The following BCAS3 variants were observed in gnomAD, a reference collection of about 807,000 sequenced individuals.
BCAS3 encodes the protein BCAS4/BCAS3 fusion.
Under a neutral mutation model 116.1 loss-of-function variants are expected in BCAS3, and 53 were observed. The ratio of observed to expected loss-of-function variants is 0.46; its 90% CI spans 0.37 to 0.57. The LOEUF (loss-of-function observed/expected upper bound fraction) is 0.57, where lower values mean the gene tolerates loss of function less well. Among genes scored for constraint, BCAS3 ranks in the 20% least tolerant of loss-of-function variants. The pLI is 0.00. For synonymous variants in BCAS3, 391 were observed against 408.2 expected, an observed-to-expected ratio of 0.96 and a Z score of 0.51; for missense variants, 917 against 1,165.4, an observed-to-expected ratio of 0.79 and a Z score of 3.10.
At chr17:61,187,522 C>A (rs983563414) in intron 22 of BCAS3, among the ~76,000 whole-genome samples, 1 of 152,146 alleles carries the variant, frequency 6.6e-6, no homozygotes, top group Non-Finnish European at 1.5e-5. Context: ...AGTTTTACCC[C>A]CTTACCTTCA....
Position 61,131,371 on chromosome 17 carries a change from T to A in BCAS3, c.2425+46807T>A, listed in dbSNP as rs2076333206. Among the ~76,000 whole-genome samples, 1 of 152,228 alleles carries A rather than the reference T, an allele frequency of 6.6e-6. No individual in the cohort carries two copies. The highest frequency in any genetic ancestry group is 2.1e-4 in the South Asian group (1 of 4,834). On this transcript the variant is annotated intron_variant, in intron 22 of 23. Transcript: ENST00000407086. The surrounding 1 kb of genome is among the most constrained non-coding windows in gnomAD (Gnocchi z 4.4). ...CTTTGATAGTTTTAATTATCTTAAT[T>A]TATCCTCTGTTCCTCTGCCTTGGGC... is the stretch of plus-strand genomic sequence containing the variant.
intron 22 of BCAS3, among the ~76,000 whole-genome samples, chr17:61,284,007 G>A (rs1171014128): frequency 2.0e-5 from 3 of 152,172 alleles, no homozygotes; most frequent in Admixed American, 6.5e-5. Context: ...ATCTTGAGAG[G>A]TGAAGCCGGC....
chr17:60,967,238 T>C lies in BCAS3; in HGVS notation c.1221+19886T>C, dbSNP rs1157039385. 6.6e-6 allele frequency among the ~76,000 whole-genome samples: 1 copy of C among 152,200 alleles called. No homozygotes were observed. The highest frequency in any genetic ancestry group is 1.5e-5 in the Non-Finnish European group (1 of 68,038). Reference sequence around the variant, plus strand: ...ATTTCTTGTTAGGTGGGTCAGGTGGTGGCAAATTATTTGTTTTTGTTTGTC... The same window carrying C: ...ATTTCTTGTTAGGTGGGTCAGGTGGCGGCAAATTATTTGTTTTTGTTTGTC... On this transcript the variant is annotated intron_variant, in intron 14 of 23. Transcript: ENST00000407086. This position sits in a 1 kb window ranked among gnomAD's most constrained non-coding sequence, Gnocchi z 4.7.
rs568269755 is a variant in BCAS3 at position 61,196,619 on chromosome 17, G to A, written c.2425+112055G>A. Among the ~76,000 whole-genome samples the A allele has an allele frequency of 9.9e-5, 15 of 152,274 alleles. No individual in the cohort carries two copies. The highest frequency in any genetic ancestry group is 8.3e-4 in the South Asian group (4 of 4,822). On this transcript the variant is annotated intron_variant, in intron 22 of 23. Coordinates refer to ENST00000407086, the MANE Select transcript of BCAS3 (RefSeq NM_017679.5). This position sits in a 1 kb window ranked among gnomAD's most constrained non-coding sequence, Gnocchi z 4.7. ...GCCAGACTGCTCCACATAGACTTCC[G>A]ATTCGAATTAGAAATGAAAAGAGGA...
chr17:60,811,184 A>G (rs1228636169), intron 7 of BCAS3: 4 of 664,310 alleles, frequency 6.0e-6, no homozygotes, highest in Non-Finnish European at 1.1e-5. Context: ...CAGATCCTGT[A>G]GACTGGATCC....
At chr17:61,216,525 ATTTTATTT>A (rs931135541) in intron 22 of BCAS3, among the ~76,000 whole-genome samples, 13 of 149,878 alleles carry the variant, frequency 8.7e-5, no homozygotes, top group Admixed American at 3.3e-4. Flanking sequence ...TGTTTATTTT[ATTTTATTT>A]TATTTTATTT....
Position 61,045,943 on chromosome 17 carries a change from T to TA in BCAS3, c.2029+5051_2029+5052insA, listed in dbSNP as rs1555685204. On this transcript the variant is annotated intron_variant, in intron 19 of 23. Coordinates refer to ENST00000407086, the MANE Select transcript of BCAS3 (RefSeq NM_017679.5). ...TATATAATATATATAAATATATATA[T>TA]TATATATATAAATATATATATAATA... 1.8e-4 allele frequency among the ~76,000 whole-genome samples: 3 copies of TA among 16,624 alleles called. 1 individual carries two copies. The highest frequency in any genetic ancestry group is 1.4e-3 in the African/African-American group (2 of 1,434). The allele number at this position is 16,624 out of a possible 152,430, so 10.9% of individuals were successfully genotyped here. A position where few individuals can be genotyped will look rare whatever the true frequency, so the allele number is the denominator to read the frequency against.
At position 61,065,533 on chromosome 17, in the gene BCAS3, C is replaced by G. The variant is rs1368494554; in HGVS notation, c.2030-9387C>G. On this transcript the variant is annotated intron_variant, in intron 19 of 23. Coordinates refer to ENST00000407086, the MANE Select transcript of BCAS3 (RefSeq NM_017679.5). This position sits in a 1 kb window ranked among gnomAD's most constrained non-coding sequence, Gnocchi z 4.8. ...GCCTGAGCTGTTTCATTCAAGGCAG[C>G]ATGATGTCATTTAACTGCAAATTTC... is the stretch of plus-strand genomic sequence containing the variant. Among the ~76,000 whole-genome samples the G allele has an allele frequency of 2.6e-5, 4 of 152,156 alleles. No homozygotes were observed. The highest frequency in any genetic ancestry group is 9.7e-5 in the African/African-American group (4 of 41,438).
At chr17:60,754,435 C>T (rs1342021415) in intron 6 of BCAS3, among the ~76,000 whole-genome samples, 2 of 151,980 alleles carry the variant, frequency 1.3e-5, no homozygotes. Flanking sequence ...TGGGGTCCCA[C>T]TGTGATGCAC....
At chr17:60,905,160 C>G (rs548027652) in intron 11 of BCAS3, among the ~76,000 whole-genome samples, 1 of 152,122 alleles carries the variant, frequency 6.6e-6, no homozygotes, top group African/African-American at 2.4e-5. Context: ...AATATATGGA[C>G]ATAATTATAG....
intron 7 of BCAS3, chr17:60,810,881 C>T: frequency 1.4e-6 from 1 of 702,670 alleles, no homozygotes; most frequent in Non-Finnish European, 2.6e-6. Flanking sequence ...GAGGTAGATG[C>T]CCCCAAATCT....
intron 7 of BCAS3, among the ~76,000 whole-genome samples, chr17:60,863,832 C>T (rs1274331412): frequency 6.6e-6 from 1 of 151,898 alleles, no homozygotes; most frequent in Non-Finnish European, 1.5e-5. Flanking sequence ...ATGTGCATAC[C>T]TTAATTAAAA....
intron 6 of BCAS3, among the ~76,000 whole-genome samples, chr17:60,753,625 G>A (rs1454408604): frequency 6.6e-6 from 1 of 151,960 alleles, no homozygotes; most frequent in Non-Finnish European, 1.5e-5. Context: ...TAGCCAGGAT[G>A]GTCTCGATCA....
chr17:60,980,273 G>A (rs537209007), intron 14 of BCAS3, among the ~76,000 whole-genome samples: 2 of 152,220 alleles, frequency 1.3e-5, no homozygotes, highest in Non-Finnish European at 2.9e-5. Flanking sequence ...GAGTGTTTCA[G>A]TTTCTACACA....
chr17:60,783,970 G>A (rs1326984314), intron 6 of BCAS3, among the ~76,000 whole-genome samples: 1 of 152,150 alleles, frequency 6.6e-6, no homozygotes, highest in Non-Finnish European at 1.5e-5. Context: ...ATATGGGAAG[G>A]TAAATGAGAT....
intron 6 of BCAS3, among the ~76,000 whole-genome samples, chr17:60,800,856 G>A (rs929544050): frequency 1.3e-5 from 2 of 151,842 alleles, no homozygotes. Context: ...TTACACCTTT[G>A]TAAAGAAAAT....
intron 22 of BCAS3, among the ~76,000 whole-genome samples, chr17:61,275,541 G>A (rs144409576): frequency 3.2e-4 from 49 of 152,006 alleles, no homozygotes; most frequent in African/African-American, 1.1e-3. Context: ...TCACCTTGTC[G>A]CCCAGGCTGG....
intron 15 of BCAS3, among the ~76,000 whole-genome samples, chr17:61,010,892 C>T (rs980872140): frequency 1.8e-4 from 27 of 151,896 alleles, no homozygotes; most frequent in Non-Finnish European, 3.7e-4. Context: ...AGAGTAAGCC[C>T]AAAAAACTGG....
intron 5 of BCAS3, among the ~76,000 whole-genome samples, chr17:60,745,142 T>C (rs2041923524): frequency 1.3e-5 from 2 of 152,092 alleles, no homozygotes; most frequent in Admixed American, 6.5e-5. Flanking sequence ...ATGCAAATAA[T>C]AGTACAGAGT....
Sources: allele counts gnomAD v4.1 joint callset (sites outside exome capture counted in the v4.1 genomes callset), GRCh38; gene constraint gnomAD v4.1.1; non-coding constraint Gnocchi (gnomAD v3.1); transcripts MANE v1.5; gene names NCBI Gene and HGNC (gene_info 2026-07-23, HGNC 2026-07-21).